AGO3: variants seen among roughly 807,000 people sequenced by gnomAD.
AGO3 encodes protein argonaute-3.
In AGO3, 16 loss-of-function variants were observed where a neutral mutation model predicts 105.5. That is an observed-to-expected ratio of 0.15 (90% CI 0.10 to 0.23). AGO3 has a LOEUF of 0.23. Among genes scored for constraint, AGO3 ranks in the 10% least tolerant of loss-of-function variants. AGO3 has a pLI of 1.00. For missense variants in AGO3, 534 were observed against 1,088.0 expected (o/e 0.49, Z 7.16); for synonymous variants, 340 against 367.3 (o/e 0.93, Z 0.85).
At chr1:35,983,745 C>T (rs1341808824) in intron 5 of AGO3, among the ~76,000 whole-genome samples, 2 of 152,178 alleles carry the variant, frequency 1.3e-5, no homozygotes, top group African/African-American at 4.8e-5. Context: ...AGAGTACTGA[C>T]TCTGAGTTTT....
At chr1:36,035,058 C>T (rs1436015390) in intron 13 of AGO3, among the ~76,000 whole-genome samples, 1 of 152,098 alleles carries the variant, frequency 6.6e-6, no homozygotes, top group Non-Finnish European at 1.5e-5. Flanking sequence ...AACTGTACAC[C>T]ACAAATAAAC....
intron 3 of AGO3, 92 bp downstream of exon 3, chr1:35,967,167 A>C: frequency 7.1e-7 from 1 of 1,398,936 alleles, no homozygotes; most frequent in Non-Finnish European, 9.5e-7. Context: ...GTCCATATAT[A>C]TGTGAATATT....
At chr1:36,020,956 G>A (rs1277417833) in intron 11 of AGO3, among the ~76,000 whole-genome samples, 3 of 151,668 alleles carry the variant, frequency 2.0e-5, no homozygotes, top group African/African-American at 4.8e-5. Flanking sequence ...ATTTAGAGAC[G>A]GAGTCTCGTT....
chr1:36,059,401 A>T lies in AGO3; in HGVS notation c.*3656A>T, dbSNP rs563691836. ...TAGAATTTCTAATCTTTTTTATTTT[A>T]AAAAAGTTTTTTTTTTTAAGTTAAA... On this transcript the variant is annotated 3_prime_UTR_variant, in exon 19 of 19. Coordinates refer to ENST00000373191, the MANE Select transcript of AGO3 (RefSeq NM_024852.4). 7 of 151,702 alleles carry T rather than the reference A, an allele frequency of 4.6e-5. No homozygotes were observed. Among genetic ancestry groups the T allele is most frequent in the Admixed American group, 2.0e-4 (3 of 15,200 alleles). The allele number at this position is 151,702 out of a possible 1,614,324, so 9.4% of individuals were successfully genotyped here. A position where few individuals can be genotyped will look rare whatever the true frequency, so the allele number is the denominator to read the frequency against.
intron 11 of AGO3, among the ~76,000 whole-genome samples, chr1:36,026,499 A>T (rs1641511238): frequency 6.6e-6 from 1 of 152,208 alleles, no homozygotes; most frequent in African/African-American, 2.4e-5. Flanking sequence ...AGGTAATACT[A>T]TAGAAATTCT....
rs938536938 is a variant in AGO3 at position 36,069,697 on chromosome 1, A to G, written c.*13952A>G. On this transcript the variant is annotated 3_prime_UTR_variant, in exon 19 of 19. Coordinates refer to ENST00000373191, the MANE Select transcript of AGO3 (RefSeq NM_024852.4). ...CAAAAGCATAACTTTTCAAAAACCAAATGATTTTAGTGGTGCTATGGCAGC... is the reference window on the plus strand; with the variant it reads ...CAAAAGCATAACTTTTCAAAAACCAGATGATTTTAGTGGTGCTATGGCAGC... 2 of 152,194 alleles carry G rather than the reference A, an allele frequency of 1.3e-5. No individual in the cohort carries two copies. Among genetic ancestry groups the G allele is most frequent in the African/African-American group, 4.8e-5 (2 of 41,430 alleles). The allele number at this position is 152,194 out of a possible 1,614,324, so 9.4% of individuals were successfully genotyped here.
intron 5 of AGO3, among the ~76,000 whole-genome samples, chr1:35,992,555 A>G (rs566065488): frequency 4.6e-5 from 7 of 152,290 alleles, no homozygotes; most frequent in African/African-American, 1.7e-4. Flanking sequence ...TTGAGAAAGG[A>G]ATGAAATGAA....
At chr1:36,023,352 C>A (rs866627371) in intron 11 of AGO3, among the ~76,000 whole-genome samples, 12 of 152,158 alleles carry the variant, frequency 7.9e-5, no homozygotes, top group Non-Finnish European at 1.3e-4. Flanking sequence ...ACTTCGGATC[C>A]CACTTCTGAC....
At chr1:35,959,814 TTTG>T (rs1315089992) in intron 2 of AGO3, among the ~76,000 whole-genome samples, 7 of 152,126 alleles carry the variant, frequency 4.6e-5, no homozygotes, top group Non-Finnish European at 1.0e-4. Flanking sequence ...AGTGTATTCA[TTTG>T]TTATTTGGAA....
At chr1:35,961,298 G>A (rs929615809) in intron 2 of AGO3, among the ~76,000 whole-genome samples, 8 of 151,882 alleles carry the variant, frequency 5.3e-5, no homozygotes, top group Admixed American at 1.3e-4. Context: ...AGGGTATCGC[G>A]GATATTTCAT....
intron 1 of AGO3, among the ~76,000 whole-genome samples, chr1:35,935,620 C>T (rs1034455350): frequency 6.6e-6 from 1 of 152,190 alleles, no homozygotes; most frequent in African/African-American, 2.4e-5. Flanking sequence ...GCCTGGGGCC[C>T]TGTAAAGGGG....
intron 17 of AGO3, among the ~76,000 whole-genome samples, chr1:36,051,530 G>A (rs1431362794): frequency 6.6e-6 from 1 of 151,910 alleles, no homozygotes; most frequent in Non-Finnish European, 1.5e-5. Flanking sequence ...GACAAGCCTG[G>A]GCAACATAGT....
chr1:36,019,463 G>C (rs1641097666), intron 11 of AGO3, among the ~76,000 whole-genome samples: 1 of 152,204 alleles, frequency 6.6e-6, no homozygotes, highest in African/African-American at 2.4e-5. Flanking sequence ...AGTGAGGCAA[G>C]TATCTCTATC....
At chr1:36,017,696 AG>A (rs1427727154) in intron 11 of AGO3, among the ~76,000 whole-genome samples, 1 of 152,088 alleles carries the variant, frequency 6.6e-6, no homozygotes, top group East Asian at 1.9e-4. Flanking sequence ...TGAGCTCAGG[AG>A]TTCAAGACCA....
chr1:36,000,918 T>C (rs1358734191), intron 5 of AGO3, among the ~76,000 whole-genome samples: 1 of 152,096 alleles, frequency 6.6e-6, no homozygotes, highest in Non-Finnish European at 1.5e-5. Context: ...GAAGTGAATA[T>C]TGATTTCTCT....
chr1:35,966,316 G>A (rs1460022543), intron 2 of AGO3, among the ~76,000 whole-genome samples: 1 of 152,038 alleles, frequency 6.6e-6, no homozygotes. Context: ...CAAAAAATAC[G>A]TATTGATTTG....
chr1:35,980,607 T>C (rs2148783040), intron 5 of AGO3, among the ~76,000 whole-genome samples: 1 of 152,356 alleles, frequency 6.6e-6, no homozygotes, highest in Middle Eastern at 3.4e-3. Context: ...ACTGTTTGGC[T>C]AGATGTGGAA....
In AGO3 at chr1:36,062,364, G is replaced by C. The variant is rs1157768682; in HGVS notation, c.*6619G>C. 4 of 151,930 alleles carry C rather than the reference G, an allele frequency of 2.6e-5. No individual in the cohort carries two copies. The allele number at this position is 151,930 out of a possible 1,614,324, so 9.4% of individuals were successfully genotyped here. The stretch of plus-strand genomic sequence containing the variant: ...TTATTAAGGAGGACTGCTCATAAAG[G>C]CAGTACCAAATCATCATTCAGATCA... On this transcript the variant is annotated 3_prime_UTR_variant, in exon 19 of 19. Transcript: ENST00000373191.
chr1:36,012,553 T>C (rs2148817984), intron 9 of AGO3, among the ~76,000 whole-genome samples: 1 of 152,226 alleles, frequency 6.6e-6, no homozygotes, highest in East Asian at 1.9e-4. Context: ...ATAAATTTTA[T>C]AATATGGCAC....
Sources: allele counts gnomAD v4.1 joint callset (sites outside exome capture counted in the v4.1 genomes callset), GRCh38; gene constraint gnomAD v4.1.1; transcripts MANE v1.5; gene names NCBI Gene and HGNC (gene_info 2026-07-23, HGNC 2026-07-21).